The following NEXMIF variants were observed in gnomAD, a reference collection of about 807,000 sequenced individuals.
The protein encoded by NEXMIF is neurite extension and migration factor.
In NEXMIF, 8 loss-of-function variants were observed where a neutral mutation model predicts 62.1. The ratio of observed to expected loss-of-function variants is 0.13; its 90% CI spans 0.08 to 0.23. The LOEUF is 0.23. Ranked by LOEUF, NEXMIF falls within the 10% of genes least tolerant of loss-of-function variation. The pLI is 1.00. For synonymous variants in NEXMIF, 404 were observed against 416.6 expected, an observed-to-expected ratio of 0.97 and a Z score of 0.37; for missense variants, 976 against 1,113.3, an observed-to-expected ratio of 0.88 and a Z score of 1.75.
chrX:74,789,824 T>C (rs1481838231), intron 1 of NEXMIF, among the ~76,000 whole-genome samples: 1 of 108,108 alleles, frequency 9.3e-6, no homozygotes, highest in Non-Finnish European at 1.9e-5. Flanking sequence ...ATGGGGTTGT[T>C]TGTTTTTTCC....
chrX:74,906,626 G>A (rs2080770148), intron 1 of NEXMIF, among the ~76,000 whole-genome samples: 1 of 110,217 alleles, frequency 9.1e-6, no homozygotes. Flanking sequence ...ATCACCTTCT[G>A]CCGTCCCTTC....
intron 1 of NEXMIF, among the ~76,000 whole-genome samples, chrX:74,872,622 T>C (rs1004036362): frequency 2.7e-5 from 3 of 109,689 alleles, no homozygotes; most frequent in African/African-American, 9.9e-5. Context: ...ACAGTCACAA[T>C]ATTTACTATA....
intron 1 of NEXMIF, among the ~76,000 whole-genome samples, chrX:74,898,057 C>T (rs188709850): frequency 8.9e-6 from 1 of 111,912 alleles, no homozygotes; most frequent in African/African-American, 3.2e-5. Flanking sequence ...GATACTCCAT[C>T]CTCAAGGAGG....
At chrX:74,886,589 C>T (rs913486886) in intron 1 of NEXMIF, among the ~76,000 whole-genome samples, 4 of 111,113 alleles carry the variant, frequency 3.6e-5, no homozygotes, top group African/African-American at 1.3e-4. Flanking sequence ...ATCCAACTTA[C>T]AAGGGATGTG....
intron 1 of NEXMIF, among the ~76,000 whole-genome samples, chrX:74,816,388 T>A (rs2080376131): frequency 8.9e-6 from 1 of 111,775 alleles, no homozygotes; most frequent in African/African-American, 3.2e-5. Context: ...ATATTAAGAA[T>A]CTAAGGTAAG....
chrX:74,794,808 T>C (rs1354324505), intron 1 of NEXMIF, among the ~76,000 whole-genome samples: 2 of 112,012 alleles, frequency 1.8e-5, no homozygotes, highest in Non-Finnish European at 3.8e-5. Flanking sequence ...GCTTCCCAAG[T>C]GAGGCAATGC....
chrX:74,886,977 G>A (rs1173035528), intron 1 of NEXMIF, among the ~76,000 whole-genome samples: 2 of 111,190 alleles, frequency 1.8e-5, no homozygotes, highest in African/African-American at 6.6e-5. Flanking sequence ...ACAGAACAGA[G>A]CCCTCAGAAA....
At chrX:74,823,002 T>C (rs1358005888) in intron 1 of NEXMIF, among the ~76,000 whole-genome samples, 1 of 112,058 alleles carries the variant, frequency 8.9e-6, no homozygotes, top group Non-Finnish European at 1.9e-5. Context: ...ACCCATACAA[T>C]GGTATATTAT....
intron 1 of NEXMIF, among the ~76,000 whole-genome samples, chrX:74,788,918 C>G: frequency 9.0e-6 from 1 of 111,034 alleles, no homozygotes; most frequent in Non-Finnish European, 1.9e-5. Flanking sequence ...ACTTCATCTT[C>G]CAGGTAGGAG....
At chrX:74,812,571 A>T (rs769203408) in intron 1 of NEXMIF, among the ~76,000 whole-genome samples, 3 of 111,790 alleles carry the variant, frequency 2.7e-5, no homozygotes, top group African/African-American at 6.5e-5. Context: ...GAAACTGATC[A>T]GATAAATATT....
intron 1 of NEXMIF, among the ~76,000 whole-genome samples, chrX:74,755,555 G>T (rs958038823): frequency 1.1e-4 from 12 of 111,064 alleles, no homozygotes; most frequent in Non-Finnish European, 2.1e-4. Flanking sequence ...TCACAGGCTT[G>T]GGCCCTACAG....
intron 1 of NEXMIF, among the ~76,000 whole-genome samples, chrX:74,783,802 T>C (rs2080253223): frequency 1.8e-5 from 2 of 111,929 alleles, no homozygotes; most frequent in Non-Finnish European, 3.8e-5. Flanking sequence ...AGGAGGTTTA[T>C]TGTCCATCTG....
At chrX:74,789,239 C>T (rs1269971103) in intron 1 of NEXMIF, among the ~76,000 whole-genome samples, 1 of 104,067 alleles carries the variant, frequency 9.6e-6, no homozygotes, top group African/African-American at 3.5e-5. Context: ...GTTTTTTGTT[C>T]TTGTGATAGT....
intron 1 of NEXMIF, among the ~76,000 whole-genome samples, chrX:74,789,502 G>T (rs1413787922): frequency 9.0e-6 from 1 of 110,810 alleles, no homozygotes; most frequent in Non-Finnish European, 1.9e-5. Flanking sequence ...TAATGGGATG[G>T]CTGGGTCAAA....
intron 1 of NEXMIF, among the ~76,000 whole-genome samples, chrX:74,899,712 C>A (rs2080743317): frequency 9.0e-6 from 1 of 111,406 alleles, no homozygotes; most frequent in Non-Finnish European, 1.9e-5. Context: ...ACATTTTTCA[C>A]AGAAATAGAA....
intron 1 of NEXMIF, among the ~76,000 whole-genome samples, chrX:74,804,048 A>G (rs2080338084): frequency 8.9e-6 from 1 of 112,351 alleles, no homozygotes; most frequent in Non-Finnish European, 1.9e-5. Flanking sequence ...GTAAATTACT[A>G]TTAAGTAGAA....
intron 1 of NEXMIF, among the ~76,000 whole-genome samples, chrX:74,795,048 G>C (rs773844622): frequency 2.7e-4 from 30 of 112,073 alleles, no homozygotes; most frequent in Non-Finnish European, 4.9e-4. Context: ...TGGTGTGAGA[G>C]TGATCACTAT....
intron 1 of NEXMIF, among the ~76,000 whole-genome samples, chrX:74,799,249 A>G (rs778665884): frequency 2.7e-5 from 3 of 111,031 alleles, no homozygotes; most frequent in African/African-American, 9.8e-5. Context: ...TTGGATTTCA[A>G]TTGTTATCTG....
rs926445206 is a variant in NEXMIF, at chrX:74,919,847, T to G, written c.-48+5036A>C. Among the ~76,000 whole-genome samples, 4 of 110,584 alleles carry G rather than the reference T, an allele frequency of 3.6e-5. No homozygotes were observed. The Admixed American group carries it at 3.9e-4, about 11-fold the overall frequency. The stretch of plus-strand genomic sequence containing the variant: ...GTGTCCATGTGTTCTCATTGTTCAA[T>G]TCCCACCTATGAGTGAGAACACGCG... On this transcript the variant is annotated intron_variant, in intron 1 of 3. Transcript: ENST00000055682.
Sources: allele counts gnomAD v4.1 joint callset (sites outside exome capture counted in the v4.1 genomes callset), GRCh38; gene constraint gnomAD v4.1.1; transcripts MANE v1.5; gene names NCBI Gene and HGNC (gene_info 2026-07-23, HGNC 2026-07-21).